The following RAB3IL1 variants were observed in gnomAD, a reference collection of about 807,000 sequenced individuals.
RAB3IL1 encodes the protein RAB3A interacting protein like 1.
In RAB3IL1, 37 loss-of-function variants were observed where a neutral mutation model predicts 49.2. The observed-to-expected ratio is 0.75, with a 90% CI of 0.58 to 0.99. The LOEUF is 0.99. Ranked by LOEUF, RAB3IL1 falls within the 50% of genes least tolerant of loss-of-function variation. The pLI, the probability that RAB3IL1 is intolerant of heterozygous loss-of-function variation, is 0.00. For missense variants in RAB3IL1, 484 were observed against 513.0 expected (o/e 0.94, Z 0.55); for synonymous variants, 193 against 213.9 (o/e 0.90, Z 0.85).
At chr11:61,926,250 G>A in the RAB3IL1 span, among the ~76,000 whole-genome samples, 2 of 152,098 alleles carry the variant, frequency 1.3e-5, no homozygotes, top group South Asian at 4.1e-4. Context: ...GCTCAATAGA[G>A]GTGTTCACTC....
chr11:61,942,826 G>A, the RAB3IL1 span, among the ~76,000 whole-genome samples: 3 of 152,164 alleles, frequency 2.0e-5, no homozygotes, highest in Non-Finnish European at 4.4e-5. Flanking sequence ...TGCAAGACTT[G>A]TACACTGAAA....
chr11:61,898,705 C>A lies in RAB3IL1; in HGVS notation c.1067-345G>T. On this transcript the variant is annotated intron_variant, in intron 9 of 9. Coordinates refer to ENST00000394836, the MANE Select transcript of RAB3IL1 (RefSeq NM_013401.4). The surrounding 1 kb of genome is among the most constrained non-coding windows in gnomAD (Gnocchi z 5.1). ...CAAGGCACAGATGCCTCCCTGGGGT[C>A]TCACAAGGACCCTGCGCAGTGAGGC... 2.1e-6 allele frequency: 1 copy of A among 482,128 alleles called. No individual in the cohort carries two copies. The highest frequency in any genetic ancestry group is 2.4e-5 in the Admixed American group (1 of 41,824). The allele number at this position is 482,128 out of a possible 1,614,324, so 29.9% of individuals were successfully genotyped here. A position where few individuals can be genotyped will look rare whatever the true frequency, so the allele number is the denominator to read the frequency against.
In RAB3IL1 at chr11:61,898,771, C is replaced by T. The variant is rs1938740442; in HGVS notation, c.1067-411G>A. 12 of 473,910 alleles carry T rather than the reference C, an allele frequency of 2.5e-5. No homozygotes were observed. The highest frequency in any genetic ancestry group is 1.9e-4 in the South Asian group (12 of 64,714). The allele number at this position is 473,910 out of a possible 1,614,324, so 29.4% of individuals were successfully genotyped here. ...CATCCAGGGACCTAGCAGGTGTCAA[C>T]ACCCAGCATGCCTTGGCCTTGGCCT... On this transcript the variant is annotated intron_variant, in intron 9 of 9. Coordinates refer to ENST00000394836, the MANE Select transcript of RAB3IL1 (RefSeq NM_013401.4). This position sits in a 1 kb window ranked among gnomAD's most constrained non-coding sequence, Gnocchi z 5.1.
the RAB3IL1 span, among the ~76,000 whole-genome samples, chr11:61,927,885 A>C: frequency 6.6e-6 from 1 of 152,146 alleles, no homozygotes; most frequent in Non-Finnish European, 1.5e-5. Context: ...CCTGCAGAAC[A>C]GTGAGCCTAT....
At chr11:61,915,938 T>A (rs913998955) in intron 1 of RAB3IL1, among the ~76,000 whole-genome samples, 1 of 149,520 alleles carries the variant, frequency 6.7e-6, no homozygotes, top group African/African-American at 2.5e-5. Flanking sequence ...CTCGGGAAGC[T>A]AAGGCAGGAG....
At chr11:61,934,665 C>G in the RAB3IL1 span, among the ~76,000 whole-genome samples, 144 of 151,440 alleles carry the variant, frequency 9.5e-4, no homozygotes, top group Non-Finnish European at 1.6e-3. Context: ...CCTAAATTCC[C>G]ACCTCTACCT....
upstream of RAB3IL1, among the ~76,000 whole-genome samples, chr11:61,919,540 C>G (rs531126650): frequency 2.6e-5 from 4 of 152,186 alleles, no homozygotes. Context: ...CTCTTACACC[C>G]GTTTTCCAAA....
chr11:61,901,841 C>T (rs1332842737), intron 8 of RAB3IL1, among the ~76,000 whole-genome samples: 1 of 152,210 alleles, frequency 6.6e-6, no homozygotes, highest in African/African-American at 2.4e-5. Context: ...CTTGCAAGTC[C>T]CTGAGCAGAG....
rs1938708795 is a variant in RAB3IL1 at position 61,898,222 on chromosome 11, T to C, written c.*56A>G. 17 of 1,530,512 alleles carry C rather than the reference T, an allele frequency of 1.1e-5. No individual in the cohort carries two copies. The East Asian group carries it at 3.6e-4, about 32-fold the overall frequency. 94.8% of individuals were successfully genotyped at this position (1,530,512 alleles called of 1,614,324 possible). On this transcript the variant is annotated 3_prime_UTR_variant, in exon 10 of 10. Coordinates refer to ENST00000394836, the MANE Select transcript of RAB3IL1 (RefSeq NM_013401.4). This position sits in a 1 kb window ranked among gnomAD's most constrained non-coding sequence, Gnocchi z 5.1. The stretch of plus-strand genomic sequence containing the variant: ...CCCCGTCTCCCTGTGTGTCGGCTTG[T>C]TCTGGGGTGGGTGTTTGCTCTGTCT...
chr11:61,920,258 TC>T (rs1939869482), upstream of RAB3IL1: 3 of 1,235,062 alleles, frequency 2.4e-6, no homozygotes, highest in South Asian at 3.9e-5. Flanking sequence ...GGAGCCTTCT[TC>T]CCCCCACCAG....
chr11:61,945,715 C>T, the RAB3IL1 span: 1 of 964,878 alleles, frequency 1.0e-6, no homozygotes, highest in Non-Finnish European at 1.2e-6. Context: ...CCACGAGCCC[C>T]AGTTCTGAGC....
At chr11:61,929,592 T>TTC in the RAB3IL1 span, among the ~76,000 whole-genome samples, 1 of 146,912 alleles carries the variant, frequency 6.8e-6, no homozygotes, top group African/African-American at 2.5e-5. Context: ...CCAAGCAGAT[T>TTC]TTTTTTTTTT....
At chr11:61,901,877 A>G (rs1171854559) in intron 8 of RAB3IL1, among the ~76,000 whole-genome samples, 3 of 152,150 alleles carry the variant, frequency 2.0e-5, no homozygotes, top group Non-Finnish European at 1.5e-5. Context: ...TAGTGCTTAG[A>G]CTCCAACATG....
the RAB3IL1 span, among the ~76,000 whole-genome samples, chr11:61,939,688 C>T: frequency 5.7e-4 from 86 of 151,004 alleles, 1 homozygote; most frequent in Admixed American, 7.2e-4. Flanking sequence ...GAGTGGCTCA[C>T]GCCTGTAATC....
rs768052671 is a variant in RAB3IL1, at chr11:61,906,696, G to A, written c.439-12C>T. The A allele has an allele frequency of 1.3e-6, 2 of 1,598,492 alleles. No homozygotes were observed. Among genetic ancestry groups the A allele is most frequent in the Non-Finnish European group, 1.7e-6 (2 of 1,172,962 alleles). On this transcript the variant is annotated splice_polypyrimidine_tract_variant and intron_variant, in intron 4 of 9. Transcript: ENST00000394836. This position sits in a 1 kb window ranked among gnomAD's most constrained non-coding sequence, Gnocchi z 4.6. ...TGCAGCATGTCGATCTGCATGGGAT[G>A]GGATGGCTGTCAACCCTCACCCAGA...
the RAB3IL1 span, among the ~76,000 whole-genome samples, chr11:61,934,442 G>GTGTA: frequency 1.1e-3 from 21 of 18,670 alleles, no homozygotes; most frequent in African/African-American, 2.2e-3. Flanking sequence ...GTGTGTGTGT[G>GTGTA]TGTGTATGTA....
upstream of RAB3IL1, among the ~76,000 whole-genome samples, chr11:61,922,014 C>A (rs1939919501): frequency 6.6e-6 from 1 of 150,960 alleles, no homozygotes. Flanking sequence ...GAGACCTCAT[C>A]TCTATTATTT....
chr11:61,945,969 G>A, the RAB3IL1 span, among the ~76,000 whole-genome samples: 1 of 152,124 alleles, frequency 6.6e-6, no homozygotes, highest in Non-Finnish European at 1.5e-5. Flanking sequence ...TGGTGCCCAG[G>A]GCTTATGTTT....
chr11:61,913,650 C>T lies in RAB3IL1; in HGVS notation c.11+3707G>A, dbSNP rs113698007. ...CAGGGCTGGGCACGCAGTACATCCT[C>T]AAATGCGCCTGTGGCGACCCTGCCC... On this transcript the variant is annotated intron_variant, in intron 1 of 9. Coordinates refer to ENST00000394836, the MANE Select transcript of RAB3IL1 (RefSeq NM_013401.4). Among the ~76,000 whole-genome samples the T allele has an allele frequency of 4.3e-3, 657 of 152,272 alleles. 8 individuals are homozygous for T. Among genetic ancestry groups the T allele is most frequent in the African/African-American group, 0.015 (631 of 41,540 alleles).
Sources: allele counts gnomAD v4.1 joint callset (sites outside exome capture counted in the v4.1 genomes callset), GRCh38; gene constraint gnomAD v4.1.1; non-coding constraint Gnocchi (gnomAD v3.1); transcripts MANE v1.5; gene names NCBI Gene and HGNC (gene_info 2026-07-23, HGNC 2026-07-21).